SLC30A7: variants seen among roughly 807,000 people sequenced by gnomAD.
SLC30A7 encodes zinc transporter 7.
A neutral mutation model predicts 46.0 loss-of-function variants in SLC30A7; 35 were observed. That is an observed-to-expected ratio of 0.76 (90% CI 0.58 to 1.01). The LOEUF (loss-of-function observed/expected upper bound fraction) is 1.01, where lower values mean the gene tolerates loss of function less well. Among genes scored for constraint, SLC30A7 ranks in the 50% least tolerant of loss-of-function variants. SLC30A7 has a pLI of 0.00. For missense variants in SLC30A7, 464 were observed against 451.1 expected (o/e 1.03, Z -0.26); for synonymous variants, 147 against 157.8 (o/e 0.93, Z 0.51).
Position 100,924,844 on chromosome 1 carries a change from A to G in SLC30A7, c.842+3003A>G, listed in dbSNP as rs972369827. ...AATAAGTAAACATACACAGACACAC[A>G]AAGAAAACTTGTTTTACTGAATATA... On this transcript the variant is annotated intron_variant, in intron 8 of 10. Coordinates refer to ENST00000357650, the MANE Select transcript of SLC30A7 (RefSeq NM_133496.5). 2.6e-5 allele frequency among the ~76,000 whole-genome samples: 4 copies of G among 152,190 alleles called. No individual in the cohort carries two copies. In the East Asian group the frequency reaches 5.8e-4, roughly 22 times the overall value.
chr1:100,934,021 A>G (rs1277351997), intron 8 of SLC30A7, among the ~76,000 whole-genome samples: 1 of 152,242 alleles, frequency 6.6e-6, no homozygotes, highest in East Asian at 1.9e-4. Flanking sequence ...ATACCAGTAC[A>G]TGAGCATAGG....
the SLC30A7 span, chr1:100,990,783 T>A: frequency 1.4e-6 from 1 of 710,964 alleles, no homozygotes; most frequent in Non-Finnish European, 2.3e-6. Context: ...CATTAATTCA[T>A]CCAAGGGATT....
chr1:100,974,634 T>C (rs1213658588), intron 10 of SLC30A7, among the ~76,000 whole-genome samples, 176 bp from the exon 11 acceptor site: 1 of 152,090 alleles, frequency 6.6e-6, no homozygotes, highest in Non-Finnish European at 1.5e-5. Flanking sequence ...GTTTGTTTTT[T>C]TGTAGTGGTA....
At chr1:100,927,077 A>G (rs1653351569) in intron 8 of SLC30A7, among the ~76,000 whole-genome samples, 2 of 152,232 alleles carry the variant, frequency 1.3e-5, no homozygotes, top group Non-Finnish European at 2.9e-5. Context: ...CTGGAGCGCA[A>G]TGAGCAGGGC....
chr1:100,935,761 T>C (rs1653928321), intron 8 of SLC30A7, among the ~76,000 whole-genome samples: 2 of 152,230 alleles, frequency 1.3e-5, no homozygotes. Context: ...TACGGGTTTT[T>C]ACTATTGTTT....
chr1:100,941,467 A>G (rs564961084), intron 8 of SLC30A7: 15 of 465,022 alleles, frequency 3.2e-5, no homozygotes, highest in African/African-American at 8.0e-5. Flanking sequence ...CATTCACAGT[A>G]TGGTATTTCA....
At chr1:100,942,285 A>G (rs1654394863) in intron 8 of SLC30A7, among the ~76,000 whole-genome samples, 1 of 152,228 alleles carries the variant, frequency 6.6e-6, no homozygotes, top group Admixed American at 6.5e-5. Context: ...AAATATGCAT[A>G]TACCTTTAAT....
rs1184972662 is a variant in SLC30A7 at position 100,979,411 on chromosome 1, CA to C, written c.*4557del. On this transcript the variant is annotated 3_prime_UTR_variant, in exon 11 of 11. Transcript: ENST00000357650. ...CTCAACCAGAGACTCAAGATAGCCT[CA>C]AATACAGTGAAAGATTATGTATCCA... 2 of 90,700 alleles carry C rather than the reference CA, an allele frequency of 2.2e-5. No homozygotes were observed. Among genetic ancestry groups the C allele is most frequent in the Non-Finnish European group, 4.2e-5 (2 of 48,142 alleles). 5.6% of individuals were successfully genotyped at this position (90,700 alleles called of 1,614,324 possible).
intron 10 of SLC30A7, 56 bp from the exon 11 acceptor site, chr1:100,974,754 T>G: frequency 7.8e-7 from 1 of 1,280,256 alleles, no homozygotes; most frequent in Non-Finnish European, 1.1e-6. Context: ...TCCTGAAATG[T>G]GTAGGGTGTT....
chr1:100,928,066 C>T (rs1027294421), intron 8 of SLC30A7, among the ~76,000 whole-genome samples: 1 of 152,006 alleles, frequency 6.6e-6, no homozygotes, highest in East Asian at 1.9e-4. Flanking sequence ...TAATTTAAAT[C>T]AAGAATAATG....
At chr1:100,972,332 C>T (rs1301763854) in intron 10 of SLC30A7, 4 of 287,328 alleles carry the variant, frequency 1.4e-5, no homozygotes, top group Non-Finnish European at 2.2e-5. Flanking sequence ...CTCATCGGGC[C>T]AGATGGATAA....
At chr1:100,968,994 GATA>G (rs1274369287) in intron 10 of SLC30A7, among the ~76,000 whole-genome samples, 1 of 152,132 alleles carries the variant, frequency 6.6e-6, no homozygotes, top group Non-Finnish European at 1.5e-5. Flanking sequence ...CTGTCTTTCT[GATA>G]AAGAGAAATG....
chr1:100,949,222 C>G lies in SLC30A7; in HGVS notation c.843-12606C>G, dbSNP rs1414314526. ...ATGTCTTTTTTTGTTGAGGTTGATG[C>G]TATGCCTTTCTGTTTGTTAGCTTTC... On this transcript the variant is annotated intron_variant, in intron 8 of 10. Transcript: ENST00000357650. Among the ~76,000 whole-genome samples the G allele has an allele frequency of 2.0e-5, 3 of 150,812 alleles. No individual in the cohort carries two copies. The East Asian group carries it at 5.9e-4, about 30-fold the overall frequency.
At chr1:100,901,112 C>G (rs550436777) in intron 2 of SLC30A7, among the ~76,000 whole-genome samples, 3 of 152,136 alleles carry the variant, frequency 2.0e-5, no homozygotes, top group Non-Finnish European at 4.4e-5. Flanking sequence ...AATCCACCCC[C>G]CCTTAACATA....
At position 100,904,849 on chromosome 1, in the gene SLC30A7, G is replaced by C. The variant is rs114001950; in HGVS notation, c.183-2003G>C. ...TAACCCAAAGCCTCTGTCTTTGGTA[G>C]ATTCTGTAAGCCTCAACCTCAGGGG... On this transcript the variant is annotated intron_variant, in intron 2 of 10. Transcript: ENST00000357650. Among the ~76,000 whole-genome samples, 988 of 152,266 alleles carry C rather than the reference G, an allele frequency of 6.5e-3. 17 individuals are homozygous for C. Among genetic ancestry groups the C allele is most frequent in the African/African-American group, 0.021 (860 of 41,558 alleles).
chr1:100,959,287 A>G (rs574425766), intron 8 of SLC30A7, among the ~76,000 whole-genome samples: 7 of 152,352 alleles, frequency 4.6e-5, no homozygotes, highest in African/African-American at 1.7e-4. Context: ...TAACGTCTCT[A>G]TAAAATATGG....
the SLC30A7 span, among the ~76,000 whole-genome samples, chr1:100,988,070 C>A: frequency 6.6e-6 from 1 of 152,200 alleles, no homozygotes; most frequent in South Asian, 2.1e-4. Context: ...CACCAAGGTC[C>A]TTGGAGTCTT....
At chr1:100,909,360 C>T (rs1322971077) in intron 3 of SLC30A7, among the ~76,000 whole-genome samples, 2 of 151,908 alleles carry the variant, frequency 1.3e-5, no homozygotes, top group African/African-American at 2.4e-5. Flanking sequence ...TGTGTCTTGC[C>T]ACACTCTTAT....
Position 100,896,597 on chromosome 1 carries a change from G to A in SLC30A7, c.108G>A (p.Arg36=), listed in dbSNP as rs752795997. The A allele has an allele frequency of 6.2e-6, 10 of 1,614,132 alleles. No individual in the cohort carries two copies. In the South Asian group the frequency reaches 8.8e-5, roughly 14 times the overall value. Residue 36 remains arginine, a synonymous_variant, in exon 2 of 11, where the codon CGG becomes CGA. Coordinates refer to ENST00000357650, the MANE Select transcript of SLC30A7 (RefSeq NM_133496.5). ...FRSILSDKTS[R]NLFFFLCLNL... ...CTATACTGTCCGACAAGACTTCCCG[G>A]AACCTGTTTTTCTTCCTGTGCCTGA... is the stretch of plus-strand genomic sequence containing the variant.
Sources: gnomAD v4.1 joint callset for allele counts (sites outside exome capture counted in the v4.1 genomes callset) on GRCh38, gnomAD v4.1.1 for gene constraint, MANE v1.5 for transcripts, NCBI Gene and HGNC (gene_info 2026-07-23, HGNC 2026-07-21) for gene names.